GASK1B: variants seen among roughly 807,000 people sequenced by gnomAD.
GASK1B encodes Golgi-associated kinase 1B.
In GASK1B, 34 loss-of-function variants were observed where a neutral mutation model predicts 42.8. The ratio of observed to expected loss-of-function variants is 0.79; its 90% CI spans 0.60 to 1.06. GASK1B has a LOEUF of 1.06. GASK1B is among the 50% of genes least tolerant of loss of function. The pLI is 0.00. For missense variants in GASK1B, 686 were observed against 661.0 expected, an observed-to-expected ratio of 1.04 and a Z score of -0.42; for synonymous variants, 262 against 259.1, an observed-to-expected ratio of 1.01 and a Z score of -0.11.
chr4:158,155,738 C>T lies in GASK1B; in HGVS notation c.998G>A (p.Gly333Glu), dbSNP rs766271598. The T allele has an allele frequency of 6.2e-7, 1 of 1,613,856 alleles. No homozygotes were observed. Among genetic ancestry groups the T allele is most frequent in the East Asian group, 2.2e-5 (1 of 44,884 alleles). Reference protein sequence around the residue: ...DTHSSVKLTWGTYQQLLKQKC... With the variant: ...DTHSSVKLTWETYQQLLKQKC... Reference sequence around the variant, plus strand: ...CTGTTTCAGCAACTGCTGATAAGTTCCCCAGGTGAGCTTAACAGAAGAATG... The same window carrying T: ...CTGTTTCAGCAACTGCTGATAAGTTTCCCAGGTGAGCTTAACAGAAGAATG... Residue 333 changes from glycine (G) to glutamate (E), a missense_variant, in exon 3 of 5, where the codon GGA becomes GAA. Coordinates refer to ENST00000585682, the MANE Select transcript of GASK1B (RefSeq NM_001128424.2).
At chr4:158,168,693 C>T (rs1448975690) in intron 2 of GASK1B, 1 of 152,150 alleles carries the variant, frequency 6.6e-6, no homozygotes, top group African/African-American at 2.4e-5. Context: ...ACGGCCCAGG[C>T]TCTTAGCCAC....
intron 2 of GASK1B, among the ~76,000 whole-genome samples, chr4:158,161,874 C>G (rs9992124): frequency 2.7e-3 from 404 of 152,236 alleles, no homozygotes; most frequent in African/African-American, 9.5e-3. Flanking sequence ...CATGACATCA[C>G]TCCCTTTCTT....
chr4:158,163,426 G>A (rs868139099), intron 2 of GASK1B, among the ~76,000 whole-genome samples: 5 of 152,112 alleles, frequency 3.3e-5, no homozygotes, highest in Middle Eastern at 6.8e-3. Context: ...AAGATTAGCC[G>A]GGCGTGGTGA....
intron 3 of GASK1B, among the ~76,000 whole-genome samples, chr4:158,143,619 T>G (rs1731219245): frequency 6.6e-6 from 1 of 152,128 alleles, no homozygotes; most frequent in African/African-American, 2.4e-5. Flanking sequence ...TCGCTGCTAC[T>G]TGAATATGAA....
At chr4:158,131,227 G>A (rs544756463) in intron 3 of GASK1B, among the ~76,000 whole-genome samples, 29 of 152,188 alleles carry the variant, frequency 1.9e-4, no homozygotes, top group Non-Finnish European at 3.5e-4. Context: ...TCTGCTAATA[G>A]ATCCAAAGTC....
chr4:158,136,848 A>G (rs1486132538), intron 3 of GASK1B, among the ~76,000 whole-genome samples: 1 of 152,202 alleles, frequency 6.6e-6, no homozygotes, highest in Non-Finnish European at 1.5e-5. Flanking sequence ...TGATTGGTGG[A>G]ATTTAACATT....
At chr4:158,141,965 T>G (rs1579020296) in intron 3 of GASK1B, among the ~76,000 whole-genome samples, 3 of 70,796 alleles carry the variant, frequency 4.2e-5, no homozygotes, top group Admixed American at 4.6e-4. Flanking sequence ...TGAGACGGAG[T>G]CTCGCTCTGT....
chr4:158,135,468 G>A (rs559795554), intron 3 of GASK1B, among the ~76,000 whole-genome samples: 1 of 151,588 alleles, frequency 6.6e-6, no homozygotes, highest in South Asian at 2.1e-4. Context: ...TGCTTCACAT[G>A]TATTATTTCA....
At chr4:158,147,642 A>G (rs1439590373) in intron 3 of GASK1B, among the ~76,000 whole-genome samples, 2 of 151,950 alleles carry the variant, frequency 1.3e-5, no homozygotes, top group Admixed American at 6.6e-5. Context: ...TTAAATTAAA[A>G]AAAAACTTGT....
intron 2 of GASK1B, chr4:158,159,552 C>G (rs1731888967): frequency 4.5e-6 from 2 of 446,478 alleles, no homozygotes; most frequent in Non-Finnish European, 9.0e-6. Context: ...ATTCATCTCT[C>G]CACATTCAGG....
At chr4:158,165,323 C>A (rs1291262001) in intron 2 of GASK1B, among the ~76,000 whole-genome samples, 1 of 152,080 alleles carries the variant, frequency 6.6e-6, no homozygotes, top group Non-Finnish European at 1.5e-5. Context: ...TAGATAAATA[C>A]TTTAGGATAT....
rs972629712 is a variant in GASK1B at position 158,126,342 on chromosome 4, T to C, written c.*1065A>G. 5 of 152,136 alleles carry C rather than the reference T, an allele frequency of 3.3e-5. No individual in the cohort carries two copies. The highest frequency in any genetic ancestry group is 5.9e-5 in the Non-Finnish European group (4 of 68,004). 9.4% of individuals were successfully genotyped at this position (152,136 alleles called of 1,614,324 possible). Reference sequence around the variant, plus strand: ...TTGTCCAAATTTACTGTTTTAGTTCTAGTCATGAGGAAAATTGATCAGACG... The same window carrying C: ...TTGTCCAAATTTACTGTTTTAGTTCCAGTCATGAGGAAAATTGATCAGACG... On this transcript the variant is annotated 3_prime_UTR_variant, in exon 5 of 5. Coordinates refer to ENST00000585682, the MANE Select transcript of GASK1B (RefSeq NM_001128424.2).
At chr4:158,133,953 T>C (rs2062556268) in intron 3 of GASK1B, among the ~76,000 whole-genome samples, 1 of 152,204 alleles carries the variant, frequency 6.6e-6, no homozygotes, top group Admixed American at 6.5e-5. Context: ...CCTGCAGATG[T>C]AAAATCAGCT....
chr4:158,151,073 A>T (rs891991716), intron 3 of GASK1B, among the ~76,000 whole-genome samples: 1 of 152,236 alleles, frequency 6.6e-6, no homozygotes, highest in Non-Finnish European at 1.5e-5. Context: ...TTTCCACAAG[A>T]TACTAGTTAA....
rs1553958620 is a variant in GASK1B, at chr4:158,141,597, C to CATTTTTT, written c.1126-10586_1126-10585insAAAAAAT. Reference sequence around the variant, plus strand: ...CATAGGTCAGTGCCTTTGTATTTACCTTTTTTTTTTTTTTTTTTTTTTTTT... The same window carrying CATTTTTT: ...CATAGGTCAGTGCCTTTGTATTTACCATTTTTTTTTTTTTTTTTTTTTTTTTTTTTTT... On this transcript the variant is annotated intron_variant, in intron 3 of 4. Coordinates refer to ENST00000585682, the MANE Select transcript of GASK1B (RefSeq NM_001128424.2). Among the ~76,000 whole-genome samples the CATTTTTT allele has an allele frequency of 2.6e-5, 3 of 113,694 alleles. 1 individual carries two copies. The highest frequency in any genetic ancestry group is 1.8e-5 in the Non-Finnish European group (1 of 57,142). 74.6% of individuals were successfully genotyped at this position (113,694 alleles called of 152,430 possible).
intron 2 of GASK1B, 74 bp from the exon 3 acceptor site, chr4:158,155,899 C>A: frequency 1.6e-6 from 2 of 1,246,178 alleles, no homozygotes; most frequent in Non-Finnish European, 2.3e-6. Context: ...AGGTCGTTCA[C>A]TCTTTCACAG....
chr4:158,150,772 G>T (rs1731526902), intron 3 of GASK1B, among the ~76,000 whole-genome samples: 2 of 152,276 alleles, frequency 1.3e-5, no homozygotes, highest in South Asian at 4.2e-4. Context: ...CCCATAGCAG[G>T]ACTCTTGAAC....
At chr4:158,158,715 A>G (rs1731852906) in intron 2 of GASK1B, among the ~76,000 whole-genome samples, 2 of 152,136 alleles carry the variant, frequency 1.3e-5, no homozygotes, top group Admixed American at 1.3e-4. Flanking sequence ...ACTCCAGTGT[A>G]GCCCAAAAGC....
intron 2 of GASK1B, among the ~76,000 whole-genome samples, chr4:158,166,468 C>T (rs184757632): frequency 1.6e-3 from 238 of 152,316 alleles, no homozygotes; most frequent in African/African-American, 5.5e-3. Flanking sequence ...ATTCAAATCA[C>T]AGCATTTGAT....
Sources: gnomAD v4.1 joint callset for allele counts (sites outside exome capture counted in the v4.1 genomes callset) on GRCh38, gnomAD v4.1.1 for gene constraint, MANE v1.5 for transcripts, NCBI Gene and HGNC (gene_info 2026-07-23, HGNC 2026-07-21) for gene names.